ARHGAP5: variants seen among roughly 807,000 people sequenced by gnomAD.
ARHGAP5 encodes rho GTPase-activating protein 5.
In ARHGAP5, 23 loss-of-function variants were observed where a neutral mutation model predicts 116.6. That is an observed-to-expected ratio of 0.20 (90% confidence interval 0.14 to 0.28). The LOEUF (loss-of-function observed/expected upper bound fraction) is 0.28. Among genes scored for constraint, ARHGAP5 ranks in the 10% least tolerant of loss-of-function variants. The pLI is 1.00. For synonymous variants in ARHGAP5, 574 were observed against 602.0 expected (o/e 0.95, Z 0.68); for missense variants, 1,405 against 1,774.8 (o/e 0.79, Z 3.74).
chr14:32,092,714 C>T lies in ARHGAP5; in HGVS notation c.2045C>T (p.Ala682Val), dbSNP rs372956846. ...GEFIGKIRTE[A>V]SQIRKDKYMA... ...TTTATTGGGAAAATAAGAACTGAAGCTTCTCAGATCAGAAAAGATAAATAC... is the reference window on the plus strand; with the variant it reads ...TTTATTGGGAAAATAAGAACTGAAGTTTCTCAGATCAGAAAAGATAAATAC... The change falls in exon 2 of 7, where the codon GCT (alanine) becomes GTT (valine). Residue 682 changes from alanine (A) to valine (V), a missense_variant. Around this residue, in one of 6 missense-constraint regions of ARHGAP5, gnomAD observed 944 missense variants for 1,095.3 expected, o/e 0.86. Coordinates refer to ENST00000345122, the MANE Select transcript of ARHGAP5 (RefSeq NM_001030055.2). The surrounding 1 kb of genome is among the most constrained non-coding windows in gnomAD (Gnocchi z 4.1). 6 of 1,613,424 alleles carry T rather than the reference C, an allele frequency of 3.7e-6. No individual in the cohort carries two copies. The highest frequency in any genetic ancestry group is 5.1e-6 in the Non-Finnish European group (6 of 1,179,698).
rs1878417328 is a variant in ARHGAP5 at position 32,094,353 on chromosome 14, G to A, written c.3684G>A (p.Lys1228=). The change falls in exon 2 of 7, where the codon AAG becomes AAA. Residue 1228 remains lysine, a synonymous_variant. Coordinates refer to ENST00000345122, the MANE Select transcript of ARHGAP5 (RefSeq NM_001030055.2). ...AGGAGTTAGATGATAAGAAGATGAA[G>A]AAGAAAACCCACAAAGTGAAAGAAG... The part of the protein sequence containing the change: ...SDQELDDKKM[K]KKTHKVKEDK... 1 of 1,583,778 alleles carries A rather than the reference G, an allele frequency of 6.3e-7. No homozygotes were observed. Among genetic ancestry groups the A allele is most frequent in the South Asian group, 1.2e-5 (1 of 85,068 alleles).
intron 3 of ARHGAP5, among the ~76,000 whole-genome samples, chr14:32,125,680 C>CTTT (rs750060996): frequency 5.5e-4 from 83 of 152,292 alleles, no homozygotes; most frequent in Non-Finnish European, 1.0e-3. Flanking sequence ...TGTCTTATCC[C>CTTT]TTTTGATAAG....
chr14:32,120,506 T>C (rs1221185789), intron 3 of ARHGAP5, among the ~76,000 whole-genome samples: 3 of 151,984 alleles, frequency 2.0e-5, no homozygotes, highest in Admixed American at 6.5e-5. Flanking sequence ...CTAGTGTAAA[T>C]ATTTAATGGT....
chr14:32,149,790 A>G, intron 4 of ARHGAP5, 112 bp from the exon 5 acceptor site: 1 of 589,780 alleles, frequency 1.7e-6, no homozygotes, highest in Non-Finnish European at 2.5e-6. Flanking sequence ...AAAAAGAAAA[A>G]GAAAAGTGGC....
At chr14:32,105,205 A>G (rs547739660) in intron 2 of ARHGAP5, among the ~76,000 whole-genome samples, 2 of 152,278 alleles carry the variant, frequency 1.3e-5, no homozygotes, top group South Asian at 2.1e-4. Flanking sequence ...AGGGTTTTCC[A>G]TATAGGTCAT....
intron 3 of ARHGAP5, among the ~76,000 whole-genome samples, chr14:32,121,013 CTTTTTT>C (rs56377207): frequency 9.5e-6 from 1 of 104,966 alleles, no homozygotes; most frequent in Non-Finnish European, 1.7e-5. Context: ...AGGATTATGT[CTTTTTT>C]TTTTTTTTTT....
intron 3 of ARHGAP5, among the ~76,000 whole-genome samples, chr14:32,135,709 C>T (rs762788796): frequency 7.2e-5 from 11 of 152,226 alleles, no homozygotes; most frequent in Non-Finnish European, 1.5e-4. Flanking sequence ...AGGTGCAAGC[C>T]ACCACTCCTG....
intron 2 of ARHGAP5, among the ~76,000 whole-genome samples, chr14:32,104,286 A>G (rs1026101775): frequency 6.6e-6 from 1 of 152,222 alleles, no homozygotes; most frequent in African/African-American, 2.4e-5. Context: ...CATTAATAAA[A>G]TATCTGCCAC....
intron 4 of ARHGAP5, among the ~76,000 whole-genome samples, chr14:32,146,964 G>A (rs372083934): frequency 1.7e-4 from 26 of 152,126 alleles, no homozygotes; most frequent in African/African-American, 5.5e-4. Context: ...CCCAAATTTC[G>A]TATTCCTAAT....
At chr14:32,097,196 T>G (rs182324937) in intron 2 of ARHGAP5, among the ~76,000 whole-genome samples, 3 of 152,220 alleles carry the variant, frequency 2.0e-5, no homozygotes, top group Admixed American at 1.3e-4. Context: ...GTTTGATTTC[T>G]GAAACATAGC....
intron 3 of ARHGAP5, among the ~76,000 whole-genome samples, chr14:32,143,239 G>GTTGTTGTTGTTA (rs1456165613): frequency 2.1e-5 from 3 of 143,972 alleles, no homozygotes; most frequent in East Asian, 2.0e-4. Context: ...TGTTGTTGTT[G>GTTGTTGTTGTTA]TTATTATTAT....
chr14:32,141,277 T>C (rs1316599851), intron 3 of ARHGAP5, among the ~76,000 whole-genome samples: 2 of 152,198 alleles, frequency 1.3e-5, no homozygotes, highest in Non-Finnish European at 2.9e-5. Flanking sequence ...CTAATCTCTG[T>C]CTTAATAGGA....
Position 32,154,918 on chromosome 14 carries a change from A to G in ARHGAP5, c.4479A>G (p.Gln1493=), listed in dbSNP as rs149811240. 2.1e-4 allele frequency: 338 copies of G among 1,613,752 alleles called. 3 individuals carry two copies. The African/African-American group carries it at 4.0e-3, about 19-fold the overall frequency. The part of the protein sequence containing the change: ...PPLQPQLIQP[Q]LQTDPLGII Reference sequence around the variant, plus strand: ...TGCAACCTCAGCTGATACAACCACAATTACAAACGGATCCTCTTGGTATTA... The same window carrying G: ...TGCAACCTCAGCTGATACAACCACAGTTACAAACGGATCCTCTTGGTATTA... The change falls in exon 7 of 7, where the codon CAA becomes CAG. Residue 1493 remains glutamine (Q), a synonymous_variant. Transcript: ENST00000345122.
intron 3 of ARHGAP5, among the ~76,000 whole-genome samples, chr14:32,122,160 A>G (rs1440099627): frequency 4.6e-5 from 7 of 152,292 alleles, no homozygotes; most frequent in South Asian, 2.1e-4. Context: ...GTGAGTTCCA[A>G]TTTCTCCACA....
intron 1 of ARHGAP5, among the ~76,000 whole-genome samples, chr14:32,078,661 TCA>T (rs1462170388): frequency 6.6e-6 from 1 of 152,166 alleles, no homozygotes; most frequent in Non-Finnish European, 1.5e-5. Flanking sequence ...GAACCAGTAT[TCA>T]GTTAGAATGT....
chr14:32,107,529 A>C (rs1338821183), intron 2 of ARHGAP5, among the ~76,000 whole-genome samples: 2 of 152,196 alleles, frequency 1.3e-5, no homozygotes, highest in African/African-American at 4.8e-5. Context: ...ATATTGTGCC[A>C]GTTACAGGAA....
At chr14:32,107,955 T>C (rs553262914) in intron 2 of ARHGAP5, among the ~76,000 whole-genome samples, 1 of 152,176 alleles carries the variant, frequency 6.6e-6, no homozygotes, top group Admixed American at 6.5e-5. Flanking sequence ...TGTTGGTAGA[T>C]GAAACTGAAA....
intron 2 of ARHGAP5, among the ~76,000 whole-genome samples, chr14:32,100,115 CGTGA>C (rs1445588830): frequency 6.6e-6 from 1 of 152,144 alleles, no homozygotes; most frequent in Non-Finnish European, 1.5e-5. Context: ...CCTCTGTATC[CGTGA>C]GTTTCACATC....
intron 2 of ARHGAP5, among the ~76,000 whole-genome samples, chr14:32,107,751 G>T (rs1366002810): frequency 6.6e-6 from 1 of 152,180 alleles, no homozygotes; most frequent in Non-Finnish European, 1.5e-5. Flanking sequence ...TGCTTTTTAT[G>T]TTTAAAATAT....
Sources: gnomAD v4.1 joint callset for allele counts (sites outside exome capture counted in the v4.1 genomes callset) on GRCh38, gnomAD v4.1.1 for gene constraint, gnomAD v4.1.1 regional missense constraint, Gnocchi (gnomAD v3.1) non-coding constraint, MANE v1.5 for transcripts, NCBI Gene and HGNC (gene_info 2026-07-23, HGNC 2026-07-21) for gene names.